DNAJB6: variants seen among roughly 807,000 people sequenced by gnomAD.
DNAJB6 encodes the protein dnaJ homolog subfamily B member 6.
DNAJB6 carries 16 observed loss-of-function variants against 42.7 expected under a neutral mutation model. That is an observed-to-expected ratio of 0.37 (90% CI 0.25 to 0.57). The LOEUF (loss-of-function observed/expected upper bound fraction) is 0.57. Among genes scored for constraint, DNAJB6 ranks in the 20% least tolerant of loss-of-function variants. DNAJB6 has a pLI of 0.74. For synonymous variants in DNAJB6, 170 were observed against 163.5 expected, an observed-to-expected ratio of 1.04 and a Z score of -0.30; for missense variants, 347 against 416.8, an observed-to-expected ratio of 0.83 and a Z score of 1.46.
At chr7:157,401,544 G>GCA (rs1173792991) in intron 8 of DNAJB6, among the ~76,000 whole-genome samples, 2 of 152,200 alleles carry the variant, frequency 1.3e-5, no homozygotes, top group Non-Finnish European at 2.9e-5. Flanking sequence ...AATGGAAAGA[G>GCA]CACAGAGACC....
At position 157,366,538 on chromosome 7, in the gene DNAJB6, A is replaced by G. The variant is rs1229931795; in HGVS notation, c.212A>G (p.Glu71Gly). The change falls in exon 4 of 10, where the codon GAA becomes GGA. Residue 71 changes from glutamate (E) to glycine (G), a missense_variant. Transcript: ENST00000262177. ...GACATCTATGACAAATATGGCAAAGAAGGATTAAATGGTGGAGGAGGAGGT... is the reference window on the plus strand; with the variant it reads ...GACATCTATGACAAATATGGCAAAGGAGGATTAAATGGTGGAGGAGGAGGT... ...KRDIYDKYGK[E>G]GLNGGGGGGS... The G allele has an allele frequency of 2.5e-6, 4 of 1,614,060 alleles. No individual in the cohort carries two copies. The South Asian group carries it at 4.4e-5, about 18-fold the overall frequency.
chr7:157,374,687 C>T (rs1053172081), intron 5 of DNAJB6, among the ~76,000 whole-genome samples: 1 of 152,086 alleles, frequency 6.6e-6, no homozygotes, highest in Non-Finnish European at 1.5e-5. Flanking sequence ...TGACGTCCTC[C>T]CTTAAATAGG....
intron 8 of DNAJB6, among the ~76,000 whole-genome samples, chr7:157,405,974 G>A (rs913512568): frequency 1.3e-5 from 2 of 152,224 alleles, no homozygotes; most frequent in African/African-American, 4.8e-5. Context: ...GCTTCGCCTG[G>A]CAGTGAGGTG....
chr7:157,382,262 C>T lies in DNAJB6; in HGVS notation c.363C>T (p.Asp121=), dbSNP rs1800821769. 6.2e-7 allele frequency: 1 copy of T among 1,604,088 alleles called. No homozygotes were observed. Residue 121 remains aspartate (D), a synonymous_variant, in exon 6 of 10, where the codon GAC becomes GAT. Transcript: ENST00000262177. The stretch of plus-strand genomic sequence containing the variant: ...TGATTTTAGAAGACCCTTTTGAGGA[C>T]TTCTTTGGGAATCGAAGGGGTCCCC... ...SFDFFEDPFE[D]FFGNRRGPRG...
chr7:157,344,344 C>T (rs888449769), intron 1 of DNAJB6, among the ~76,000 whole-genome samples: 36 of 148,950 alleles, frequency 2.4e-4, no homozygotes, highest in Admixed American at 4.7e-4. Flanking sequence ...AGTGAGACTC[C>T]GTCTCAAAAA....
intron 8 of DNAJB6, among the ~76,000 whole-genome samples, chr7:157,394,598 C>T (rs1046944856): frequency 6.6e-6 from 1 of 152,110 alleles, no homozygotes; most frequent in Non-Finnish European, 1.5e-5. Flanking sequence ...TTTTCCTCCT[C>T]TATGGACAAT....
At chr7:157,382,457 G>C in intron 6 of DNAJB6, 80 bp downstream of exon 6, 1 of 1,473,270 alleles carries the variant, frequency 6.8e-7, no homozygotes, top group Non-Finnish European at 9.1e-7. Context: ...TTTAGTTAGA[G>C]TGCTTTAAAA....
chr7:157,389,519 T>C (rs1416921536), intron 8 of DNAJB6, among the ~76,000 whole-genome samples: 1 of 152,184 alleles, frequency 6.6e-6, no homozygotes, highest in Non-Finnish European at 1.5e-5. Flanking sequence ...GTTTGTATTT[T>C]TAAAAACGAA....
chr7:157,342,992 T>C (rs1376125686), intron 1 of DNAJB6, among the ~76,000 whole-genome samples: 2 of 140,930 alleles, frequency 1.4e-5, no homozygotes, highest in African/African-American at 2.9e-5. Flanking sequence ...TTGTTTTTGC[T>C]TTTTTTTTTT....
intron 9 of DNAJB6, among the ~76,000 whole-genome samples, chr7:157,415,781 G>C (rs566147722): frequency 6.6e-6 from 1 of 152,218 alleles, no homozygotes; most frequent in Non-Finnish European, 1.5e-5. Context: ...CGGAACTCGG[G>C]TAGGTGGGAG....
At chr7:157,386,285 T>C (rs1206918171) in intron 8 of DNAJB6, 1 of 984,666 alleles carries the variant, frequency 1.0e-6, no homozygotes, top group African/African-American at 1.8e-5. Context: ...AGAAAATAAA[T>C]GCGAATGTGT....
intron 8 of DNAJB6, among the ~76,000 whole-genome samples, chr7:157,394,381 T>A (rs1048133078): frequency 1.3e-5 from 2 of 152,200 alleles, no homozygotes; most frequent in African/African-American, 4.8e-5. Context: ...AAAAAATGTT[T>A]AAGTCCAGGC....
chr7:157,399,085 G>C (rs926768560), intron 8 of DNAJB6, among the ~76,000 whole-genome samples: 2 of 152,166 alleles, frequency 1.3e-5, no homozygotes, highest in African/African-American at 4.8e-5. Flanking sequence ...TTTTAATTTG[G>C]GGAATTTTAG....
chr7:157,341,379 C>T (rs1376384326), intron 1 of DNAJB6, among the ~76,000 whole-genome samples: 1 of 152,188 alleles, frequency 6.6e-6, no homozygotes, highest in Non-Finnish European at 1.5e-5. Flanking sequence ...CCGCCTCGGC[C>T]TCCCAAAGTG....
intron 1 of DNAJB6, among the ~76,000 whole-genome samples, chr7:157,349,397 C>A (rs1798855307): frequency 6.6e-6 from 1 of 152,208 alleles, no homozygotes; most frequent in African/African-American, 2.4e-5. Context: ...ACCCTCCCTT[C>A]CCTTGAGAGT....
intron 4 of DNAJB6, among the ~76,000 whole-genome samples, chr7:157,366,926 A>G (rs891235509): frequency 6.6e-6 from 1 of 152,228 alleles, no homozygotes; most frequent in Non-Finnish European, 1.5e-5. Context: ...TTTGTCCCCA[A>G]AAGTTCCCAC....
chr7:157,363,140 A>G (rs111283304), intron 2 of DNAJB6, 21 bp from the exon 3 acceptor site: 64 of 1,513,226 alleles, frequency 4.2e-5, no homozygotes, highest in African/African-American at 9.6e-5. Flanking sequence ...AATGTGATCT[A>G]TATCCTTTAT....
intron 1 of DNAJB6, among the ~76,000 whole-genome samples, chr7:157,354,008 C>T (rs1002138563): frequency 6.6e-6 from 1 of 152,124 alleles, no homozygotes; most frequent in African/African-American, 2.4e-5. Flanking sequence ...CTTGCTTGAT[C>T]TAGCATTAGC....
intron 8 of DNAJB6, among the ~76,000 whole-genome samples, chr7:157,407,705 G>A (rs542735189): frequency 1.5e-4 from 23 of 152,264 alleles, no homozygotes; most frequent in African/African-American, 4.8e-4. Context: ...GCTTCTCGAC[G>A]ACACGGCCCC....
Sources: allele counts gnomAD v4.1 joint callset (sites outside exome capture counted in the v4.1 genomes callset), GRCh38; gene constraint gnomAD v4.1.1; transcripts MANE v1.5; gene names NCBI Gene and HGNC (gene_info 2026-07-23, HGNC 2026-07-21).